The following WDFY4 variants were observed in gnomAD, a reference collection of about 807,000 sequenced individuals.
WDFY4 encodes WDFY family member 4, also known as WD repeat- and FYVE domain-containing protein 4.
A neutral mutation model predicts 351.9 loss-of-function variants in WDFY4; 169 were observed. The ratio of observed to expected loss-of-function variants is 0.48; its 90% confidence interval spans 0.42 to 0.55. The LOEUF (loss-of-function observed/expected upper bound fraction) is 0.55, where lower values mean the gene tolerates loss of function less well. Ranked by LOEUF, WDFY4 falls within the 20% of genes least tolerant of loss-of-function variation. WDFY4 has a pLI of 0.00. For missense variants in WDFY4, 3,803 were observed against 3,935.6 expected, an observed-to-expected ratio of 0.97 and a Z score of 0.90; for synonymous variants, 1,622 against 1,574.6, an observed-to-expected ratio of 1.03 and a Z score of -0.71.
In WDFY4 at chr10:48,729,451, A is replaced by G. The variant is rs564778565; in HGVS notation, c.991A>G (p.Ser331Gly). 2 of 1,551,172 alleles carry G rather than the reference A, an allele frequency of 1.3e-6. No individual in the cohort carries two copies. Among genetic ancestry groups the G allele is most frequent in the Admixed American group, 3.9e-5 (2 of 51,006 alleles). ...VLLRYDGLTQ[S>G]EVDPHLEELL... ...CCCCAGGTATGATGGGCTGACCCAG[A>G]GCGAAGTGGACCCGCATCTGGAGGA... Residue 331 changes from serine to glycine, a missense_variant, in exon 8 of 62, where the codon AGC (serine) becomes GGC (glycine). Transcript: ENST00000325239.
At chr10:48,965,842 G>T (rs1842056624) in intron 54 of WDFY4, among the ~76,000 whole-genome samples, 1 of 152,134 alleles carries the variant, frequency 6.6e-6, no homozygotes. Flanking sequence ...GTTAGATATA[G>T]ATTATATCTA....
intron 51 of WDFY4, among the ~76,000 whole-genome samples, chr10:48,948,318 T>C (rs1436362089): frequency 2.0e-5 from 3 of 152,206 alleles, no homozygotes; most frequent in African/African-American, 4.8e-5. Context: ...GGAGAACAAA[T>C]GGTCCCAGAG....
chr10:48,903,887 G>T (rs1837486915), intron 47 of WDFY4, among the ~76,000 whole-genome samples: 1 of 152,236 alleles, frequency 6.6e-6, no homozygotes, highest in Non-Finnish European at 1.5e-5. Context: ...AGAGGACTGT[G>T]CCCTGGGCAC....
rs147302888 is a variant in WDFY4 at position 48,816,674 on chromosome 10, A to G, written c.5341-571A>G. On this transcript the variant is annotated intron_variant, in intron 31 of 61. Transcript: ENST00000325239. ...ATTCAAAATAAAGCAAACAAAAGGA[A>G]TCACATGCAAGCATTTAAAACAAAG... Among the ~76,000 whole-genome samples the G allele has an allele frequency of 1.2e-3, 182 of 152,382 alleles. 1 individual carries two copies. The highest frequency in any genetic ancestry group is 3.9e-3 in the African/African-American group (162 of 41,590).
chr10:48,803,203 C>A, intron 24 of WDFY4, 83 bp from the exon 25 acceptor site: 1 of 1,339,682 alleles, frequency 7.5e-7, no homozygotes, highest in South Asian at 1.3e-5. Context: ...GATCACCTGT[C>A]CAGCACTGAC....
At chr10:48,918,475 A>T (rs1838752825) in intron 47 of WDFY4, among the ~76,000 whole-genome samples, 1 of 152,224 alleles carries the variant, frequency 6.6e-6, no homozygotes, top group African/African-American at 2.4e-5. Flanking sequence ...ATTTACAGGA[A>T]GTAAGACCAT....
intron 43 of WDFY4, among the ~76,000 whole-genome samples, chr10:48,889,761 A>AT (rs140652004): frequency 0.041 from 6,278 of 152,310 alleles, 161 homozygotes; most frequent in Non-Finnish European, 0.064. Flanking sequence ...GGGAATGAGG[A>AT]TTGCAGGGCT....
chr10:48,706,918 T>TGAG (rs1463103220), intron 1 of WDFY4, among the ~76,000 whole-genome samples: 2 of 152,184 alleles, frequency 1.3e-5, no homozygotes, highest in Non-Finnish European at 2.9e-5. Context: ...ATAAAGGCAT[T>TGAG]GAGGATCTTA....
At chr10:48,692,264 C>T (rs2063215447) in intron 1 of WDFY4, among the ~76,000 whole-genome samples, 1 of 152,228 alleles carries the variant, frequency 6.6e-6, no homozygotes, top group Admixed American at 6.5e-5. Flanking sequence ...TCTTGTATTT[C>T]CTTTTAGCCT....
intron 39 of WDFY4, among the ~76,000 whole-genome samples, chr10:48,864,886 A>G (rs1485312639): frequency 6.6e-6 from 1 of 152,212 alleles, no homozygotes; most frequent in Non-Finnish European, 1.5e-5. Flanking sequence ...GTGGATAGGA[A>G]CACAGCTGAT....
At chr10:48,933,267 G>A (rs111690292) in intron 47 of WDFY4, among the ~76,000 whole-genome samples, 3 of 152,312 alleles carry the variant, frequency 2.0e-5, no homozygotes, top group African/African-American at 7.2e-5. Context: ...CCTTCCTTTT[G>A]CCCAGCACAA....
chr10:48,693,536 T>C (rs2063251779), intron 1 of WDFY4, among the ~76,000 whole-genome samples: 2 of 152,218 alleles, frequency 1.3e-5, no homozygotes, highest in African/African-American at 4.8e-5. Flanking sequence ...TGCCAGCTTG[T>C]GGGAGACTCA....
At chr10:48,744,801 A>G (rs1565153518) in intron 12 of WDFY4, among the ~76,000 whole-genome samples, 1 of 151,942 alleles carries the variant, frequency 6.6e-6, no homozygotes, top group Admixed American at 6.6e-5. Context: ...TTGCAAGCTG[A>G]TTTTCCCATT....
intron 44 of WDFY4, among the ~76,000 whole-genome samples, chr10:48,897,090 C>G (rs963568563): frequency 6.6e-6 from 1 of 152,124 alleles, no homozygotes; most frequent in Non-Finnish European, 1.5e-5. Flanking sequence ...CCCTGCTGGC[C>G]CCCACTCTCA....
chr10:48,774,947 A>C (rs907195627), intron 14 of WDFY4, among the ~76,000 whole-genome samples: 1 of 151,552 alleles, frequency 6.6e-6, no homozygotes, highest in Non-Finnish European at 1.5e-5. Context: ...TGTAGAGTTC[A>C]CTAGACAAAG....
intron 23 of WDFY4, among the ~76,000 whole-genome samples, chr10:48,791,673 A>G (rs2066685922): frequency 1.3e-5 from 2 of 152,236 alleles, no homozygotes; most frequent in African/African-American, 4.8e-5. Flanking sequence ...TCTGGGAGGC[A>G]GCCAGGTGAG....
chr10:48,942,703 A>G (rs1840841788), intron 48 of WDFY4, among the ~76,000 whole-genome samples: 1 of 152,240 alleles, frequency 6.6e-6, no homozygotes, highest in African/African-American at 2.4e-5. Context: ...AGAGCCCCTG[A>G]ACATACAGGC....
chr10:48,941,237 C>T (rs555486794), intron 47 of WDFY4, among the ~76,000 whole-genome samples: 2 of 152,042 alleles, frequency 1.3e-5, no homozygotes, highest in Admixed American at 6.5e-5. Context: ...GGTGGAGAAC[C>T]GGGTGTACGA....
intron 47 of WDFY4, among the ~76,000 whole-genome samples, chr10:48,924,950 A>G (rs904325754): frequency 9.2e-5 from 14 of 152,210 alleles, no homozygotes; most frequent in African/African-American, 3.1e-4. Context: ...TAATAATTTC[A>G]TTCTTTCAAC....
Sources: gnomAD v4.1 joint callset for allele counts (sites outside exome capture counted in the v4.1 genomes callset) on GRCh38, gnomAD v4.1.1 for gene constraint, MANE v1.5 for transcripts, NCBI Gene and HGNC (gene_info 2026-07-23, HGNC 2026-07-21) for gene names.